The following EXOC1 variants were observed in gnomAD, a reference collection of about 807,000 sequenced individuals.
EXOC1 encodes the protein SEC3-like 1.
Under a neutral mutation model 107.7 loss-of-function variants are expected in EXOC1, and 67 were observed. The ratio of observed to expected loss-of-function variants is 0.62; its 90% CI spans 0.51 to 0.76. The LOEUF is 0.76. Among genes scored for constraint, EXOC1 ranks in the 30% least tolerant of loss-of-function variants. The pLI is 0.00. For synonymous variants in EXOC1, 348 were observed against 353.5 expected, an observed-to-expected ratio of 0.98 and a Z score of 0.17; for missense variants, 833 against 1,055.7, an observed-to-expected ratio of 0.79 and a Z score of 2.92.
Position 55,871,914 on chromosome 4 carries a change from G to T in EXOC1, c.1030G>T (p.Ala344Ser), listed in dbSNP as rs1445654724. The T allele has an allele frequency of 1.9e-6, 3 of 1,613,634 alleles. No individual in the cohort carries two copies. Among genetic ancestry groups the T allele is most frequent in the African/African-American group, 1.3e-5 (1 of 74,864 alleles). Residue 344 changes from alanine to serine, a missense_variant, in exon 8 of 19, where the codon GCC becomes TCC. Ala to Ser is a moderately conservative substitution (Grantham distance 99, BLOSUM62 1). This residue lies in a region of EXOC1 where 617 missense variants were observed against 701.3 expected (regional missense o/e 0.88). Coordinates refer to ENST00000381295, the MANE Select transcript of EXOC1 (RefSeq NM_001024924.2). ...QRFSDLRELF[A>S]RRLASHLNNV... is the part of the protein sequence containing the mutation. Reference sequence around the variant, plus strand: ...ATTCAGTGATTTGCGAGAGCTTTTTGCCCGGAGACTGGCCAGTCACCTCAA... The same window carrying T: ...ATTCAGTGATTTGCGAGAGCTTTTTTCCCGGAGACTGGCCAGTCACCTCAA...
intron 7 of EXOC1, among the ~76,000 whole-genome samples, chr4:55,871,484 C>A (rs1477152325): frequency 6.6e-6 from 1 of 152,126 alleles, no homozygotes; most frequent in East Asian, 1.9e-4. Context: ...ATCCACAGAA[C>A]CCAGCAGAAA....
chr4:55,878,533 A>T (rs1043739297), intron 9 of EXOC1, among the ~76,000 whole-genome samples: 9 of 152,238 alleles, frequency 5.9e-5, no homozygotes, highest in Admixed American at 2.6e-4. Context: ...GAAGAATCAT[A>T]CATAAAACAA....
intron 5 of EXOC1, 38 bp downstream of exon 5, chr4:55,868,561 A>G (rs758860475): frequency 1.3e-6 from 2 of 1,580,188 alleles, no homozygotes; most frequent in Admixed American, 3.4e-5. Flanking sequence ...AGTGATGTAT[A>G]GTGGATTGAG....
intron 8 of EXOC1, among the ~76,000 whole-genome samples, chr4:55,873,786 G>A (rs902872030): frequency 6.6e-6 from 1 of 152,150 alleles, no homozygotes; most frequent in Non-Finnish European, 1.5e-5. Flanking sequence ...TAGCAAAATT[G>A]TTGAGAAACA....
At chr4:55,876,447 T>G (rs1030657564) in intron 8 of EXOC1, 31 of 641,494 alleles carry the variant, frequency 4.8e-5, no homozygotes, top group Non-Finnish European at 6.0e-5. Flanking sequence ...ACAAAAAATA[T>G]GAATAGTCAC....
Position 55,893,633 on chromosome 4 carries a change from C to T in EXOC1, c.1806C>T (p.Asp602=). The T allele has an allele frequency of 2.5e-6, 4 of 1,614,038 alleles. No homozygotes were observed. Among genetic ancestry groups the T allele is most frequent in the Non-Finnish European group, 3.4e-6 (4 of 1,179,992 alleles). The change falls in exon 15 of 19, where the codon GAC becomes GAT. Residue 602 remains aspartate, a synonymous_variant. Coordinates refer to ENST00000381295, the MANE Select transcript of EXOC1 (RefSeq NM_001024924.2). ...PELNNLIALG[D]KIDSFNSLYM... ...TGAACAACCTAATTGCATTAGGAGA[C>T]AAAATTGATAGCTTTAACTCTCTTT...
intron 9 of EXOC1, among the ~76,000 whole-genome samples, chr4:55,882,342 G>A (rs1723479735): frequency 6.6e-6 from 1 of 152,042 alleles, no homozygotes; most frequent in South Asian, 2.1e-4. Flanking sequence ...GTTTCACCAT[G>A]TTGCCCAGGC....
chr4:55,885,941 A>G (rs142775767), intron 10 of EXOC1, among the ~76,000 whole-genome samples: 430 of 152,326 alleles, frequency 2.8e-3, no homozygotes, highest in African/African-American at 9.7e-3. Flanking sequence ...CATACTGTAG[A>G]CTGTCCTGGC....
chr4:55,873,064 C>T (rs146779292), intron 8 of EXOC1, among the ~76,000 whole-genome samples: 2,074 of 152,064 alleles, frequency 0.014, 65 homozygotes, highest in African/African-American at 0.047. Flanking sequence ...TAATATTACT[C>T]CTTCATTTAG....
At chr4:55,901,567 G>C (rs1417898118) in intron 17 of EXOC1, among the ~76,000 whole-genome samples, 3 of 151,964 alleles carry the variant, frequency 2.0e-5, no homozygotes, top group Non-Finnish European at 4.4e-5. Flanking sequence ...AATAAGAAAA[G>C]CACTAAGACC....
chr4:55,868,812 C>T (rs569345005), intron 5 of EXOC1: 8 of 254,748 alleles, frequency 3.1e-5, no homozygotes, highest in South Asian at 1.2e-4. Context: ...GGAGTTGATT[C>T]GCTCAGCCTC....
chr4:55,884,397 A>G (rs545595728), intron 10 of EXOC1, among the ~76,000 whole-genome samples: 1 of 152,368 alleles, frequency 6.6e-6, no homozygotes, highest in South Asian at 2.1e-4. Flanking sequence ...TTTTGAATCA[A>G]AAAGAAAGTT....
chr4:55,855,926 G>A (rs1577681173), intron 1 of EXOC1, among the ~76,000 whole-genome samples: 1 of 152,114 alleles, frequency 6.6e-6, no homozygotes, highest in African/African-American at 2.4e-5. Context: ...GTGGAGAGAC[G>A]GAGAAGCAAG....
At chr4:55,875,586 G>C (rs1194121603) in intron 8 of EXOC1, 1 of 985,038 alleles carries the variant, frequency 1.0e-6, no homozygotes, top group Non-Finnish European at 1.2e-6. Context: ...TGACATTTGT[G>C]CCTGAGTAAA....
chr4:55,871,794 A>T, intron 7 of EXOC1, 55 bp from the exon 8 acceptor site: 3 of 1,496,254 alleles, frequency 2.0e-6, no homozygotes, highest in Non-Finnish European at 2.8e-6. Context: ...TCCATTAAAC[A>T]TCAAGGAAAT....
Position 55,896,591 on chromosome 4 carries a change from C to T in EXOC1, c.1954-126C>T, listed in dbSNP as rs138408757. ...AGCATCCAAAGTGTTCTAGGTACCA[C>T]ATAATATCCTGCCTCTATGATATCT... On this transcript the variant is annotated intron_variant, in intron 15 of 18. Transcript: ENST00000381295. 1.9e-4 allele frequency: 132 copies of T among 697,572 alleles called. No individual in the cohort carries two copies. The African/African-American group carries it at 2.3e-3, about 12-fold the overall frequency. The allele number at this position is 697,572 out of a possible 1,614,324, so 43.2% of individuals were successfully genotyped here.
At chr4:55,898,197 C>A (rs1242995377) in intron 16 of EXOC1, among the ~76,000 whole-genome samples, 1 of 152,152 alleles carries the variant, frequency 6.6e-6, no homozygotes, top group Non-Finnish European at 1.5e-5. Flanking sequence ...GTCAAGGCTG[C>A]AGTGAGCCTT....
intron 4 of EXOC1, among the ~76,000 whole-genome samples, chr4:55,866,321 CT>C (rs888962202): frequency 1.6e-4 from 25 of 151,868 alleles, no homozygotes; most frequent in African/African-American, 5.8e-4. Flanking sequence ...TTTATTTGGC[CT>C]TTTTTTTCAT....
At chr4:55,882,362 A>C (rs1221213795) in intron 9 of EXOC1, among the ~76,000 whole-genome samples, 3 of 152,152 alleles carry the variant, frequency 2.0e-5, no homozygotes, top group African/African-American at 7.2e-5. Context: ...CTGGCATCAT[A>C]GAGTTTTGGA....
Sources: allele counts gnomAD v4.1 joint callset (sites outside exome capture counted in the v4.1 genomes callset), GRCh38; gene constraint gnomAD v4.1.1; regional missense constraint gnomAD v4.1.1; transcripts MANE v1.5; gene names NCBI Gene and HGNC (gene_info 2026-07-23, HGNC 2026-07-21).